The following RAD54B variants were observed in gnomAD, a reference collection of about 807,000 sequenced individuals.
RAD54B encodes the protein DNA repair and recombination protein RAD54B.
RAD54B carries 78 observed loss-of-function variants against 95.8 expected under a neutral mutation model. The observed-to-expected ratio is 0.81, with a 90% CI of 0.68 to 0.98. The LOEUF (loss-of-function observed/expected upper bound fraction) is 0.98. RAD54B is among the 50% of genes least tolerant of loss of function. RAD54B has a pLI of 0.00. For missense variants in RAD54B, 957 were observed against 1,056.6 expected (o/e 0.91, Z 1.31); for synonymous variants, 328 against 354.9 (o/e 0.92, Z 0.85).
In RAD54B at chr8:94,387,132, T is replaced by C. The variant is rs757543354; in HGVS notation, c.1837A>G (p.Lys613Glu). 7.5e-6 allele frequency: 12 copies of C among 1,600,692 alleles called. No individual in the cohort carries two copies. The highest frequency in any genetic ancestry group is 8.5e-6 in the Non-Finnish European group (10 of 1,175,490). The change falls in exon 11 of 15, where the codon AAA becomes GAA. Residue 613 changes from lysine (K) to glutamate (E), a missense_variant. Transcript: ENST00000336148. ...KEKECSSTCDKNEEKSLYKGL... is the reference protein window; with the variant it reads ...KEKECSSTCDENEEKSLYKGL... ...TTGTATAGACTCTTTTCTTCATTTT[T>C]ATCACAAGTTGAGCTACATTCCTTT... is the stretch of plus-strand genomic sequence containing the variant.
chr8:94,378,633 G>C lies in RAD54B; in HGVS notation c.2249C>G (p.Ala750Gly). Reference sequence around the variant, plus strand: ...ACCATCTCTCCATACTCTAGACATTGCCTATAGAAAATAAGTGAGAATTCT... The same window carrying C: ...ACCATCTCTCCATACTCTAGACATTCCCTATAGAAAATAAGTGAGAATTCT... ...IDWNPATDIQAMSRVWRDGQK... is the reference protein window; with the variant it reads ...IDWNPATDIQGMSRVWRDGQK... Residue 750 changes from alanine to glycine, a missense_variant and splice_region_variant, in exon 13 of 15, where the codon GCA (alanine) becomes GGA (glycine). Coordinates refer to ENST00000336148, the MANE Select transcript of RAD54B (RefSeq NM_012415.3). The C allele has an allele frequency of 6.2e-7, 1 of 1,600,814 alleles. No individual in the cohort carries two copies. The highest frequency in any genetic ancestry group is 8.5e-7 in the Non-Finnish European group (1 of 1,171,876).
At chr8:94,392,274 GT>G (rs1404130103) in intron 9 of RAD54B, among the ~76,000 whole-genome samples, 1 of 151,858 alleles carries the variant, frequency 6.6e-6, no homozygotes, top group Non-Finnish European at 1.5e-5. Flanking sequence ...TGTTGTTGTT[GT>G]TTTTGAGACA....
At chr8:94,452,496 T>C (rs1181457894) in intron 3 of RAD54B, among the ~76,000 whole-genome samples, 1 of 151,382 alleles carries the variant, frequency 6.6e-6, no homozygotes, top group Admixed American at 6.6e-5. Context: ...ATACTATCCT[T>C]AATTTTTTCT....
intron 3 of RAD54B, 31 bp downstream of exon 3, chr8:94,458,237 C>T (rs750430255): frequency 2.6e-6 from 4 of 1,546,506 alleles, no homozygotes; most frequent in Middle Eastern, 1.8e-4. Flanking sequence ...ATTGGTCAAG[C>T]ATAAACCTTA....
At chr8:94,434,740 A>G (rs1012641599) in intron 3 of RAD54B, among the ~76,000 whole-genome samples, 3 of 151,630 alleles carry the variant, frequency 2.0e-5, no homozygotes, top group Admixed American at 6.6e-5. Flanking sequence ...GAAAATGTCA[A>G]TGTAGACACA....
chr8:94,375,077 AGT>A (rs1810535097), intron 14 of RAD54B, among the ~76,000 whole-genome samples: 1 of 152,222 alleles, frequency 6.6e-6, no homozygotes, highest in Admixed American at 6.5e-5. Context: ...TATTTCTGGG[AGT>A]GTGTAAATTG....
intron 2 of RAD54B, among the ~76,000 whole-genome samples, chr8:94,458,682 C>A (rs1184253811): frequency 6.6e-6 from 1 of 152,110 alleles, no homozygotes; most frequent in Non-Finnish European, 1.5e-5. Flanking sequence ...GCCTGGCCAA[C>A]ATGGTGAAAC....
intron 10 of RAD54B, among the ~76,000 whole-genome samples, chr8:94,388,860 C>A (rs1810951948): frequency 6.6e-6 from 1 of 152,130 alleles, no homozygotes; most frequent in African/African-American, 2.4e-5. Context: ...ATCAAAGGAC[C>A]ACAGGCCCAG....
chr8:94,421,196 C>G (rs1204519007), intron 3 of RAD54B, among the ~76,000 whole-genome samples: 3 of 152,160 alleles, frequency 2.0e-5, no homozygotes. Context: ...TATAAACCCA[C>G]AGGTTGTGTT....
intron 14 of RAD54B, among the ~76,000 whole-genome samples, chr8:94,374,807 T>C (rs1010674755): frequency 6.6e-6 from 1 of 152,212 alleles, no homozygotes; most frequent in Non-Finnish European, 1.5e-5. Context: ...CATATTTTAA[T>C]ATATTTATTT....
intron 3 of RAD54B, among the ~76,000 whole-genome samples, chr8:94,440,555 A>T (rs1206151748): frequency 1.3e-5 from 2 of 152,214 alleles, no homozygotes. Context: ...TTCTTTGCCA[A>T]TGCTCGTTGG....
At chr8:94,438,196 C>A (rs1044021820) in intron 3 of RAD54B, among the ~76,000 whole-genome samples, 1 of 152,174 alleles carries the variant, frequency 6.6e-6, no homozygotes, top group African/African-American at 2.4e-5. Context: ...GTTTTTCATT[C>A]TTTTAACAAT....
At position 94,383,945 on chromosome 8, in the gene RAD54B, C is replaced by T. The variant is rs1810805288; in HGVS notation, c.1985+3039G>A. 4.6e-5 allele frequency among the ~76,000 whole-genome samples: 7 copies of T among 152,118 alleles called. No individual in the cohort carries two copies. In the South Asian group the frequency reaches 1.2e-3, roughly 27 times the overall value. ...TGGTGGAAATGAAAATGGTGCAGTC[C>T]TCTATGAAAAACAGTATGGCAGTAC... On this transcript the variant is annotated intron_variant, in intron 11 of 14. Transcript: ENST00000336148.
At chr8:94,466,408 CTTT>C (rs1194398092) in intron 2 of RAD54B, among the ~76,000 whole-genome samples, 9 of 142,912 alleles carry the variant, frequency 6.3e-5, no homozygotes, top group South Asian at 2.3e-4. Context: ...CCAGTATTCA[CTTT>C]TTTTTTTTTT....
chr8:94,378,231 CA>C lies in RAD54B; in HGVS notation c.2463del (p.Cys821TrpfsTer43), dbSNP rs752717854. On this transcript the variant is annotated frameshift_variant, in exon 14 of 15. Transcript: ENST00000336148. LOFTEE classifies it high-confidence loss of function. ...TCACAGTCAAGCAGATCATGAGTAA[CA>C]CAATCTGAACTTTCATGTAATGTGA... ...NLFTLHESSD[C>X]VTHDLLDCEC... 1 of 1,613,060 alleles carries C rather than the reference CA, an allele frequency of 6.2e-7. No homozygotes were observed. Among genetic ancestry groups the C allele is most frequent in the Non-Finnish European group, 8.5e-7 (1 of 1,179,630 alleles).
intron 3 of RAD54B, among the ~76,000 whole-genome samples, chr8:94,444,096 A>G (rs545045825): frequency 1.3e-5 from 2 of 152,304 alleles, no homozygotes; most frequent in East Asian, 3.9e-4. Context: ...AATACAGATA[A>G]CTTAATGAAT....
chr8:94,462,313 A>T (rs578135811), intron 2 of RAD54B, among the ~76,000 whole-genome samples: 2 of 152,258 alleles, frequency 1.3e-5, no homozygotes, highest in Non-Finnish European at 2.9e-5. Flanking sequence ...AATATATTCA[A>T]ATATCCTATT....
chr8:94,436,920 G>T (rs1812280537), intron 3 of RAD54B: 26 of 1,459,982 alleles, frequency 1.8e-5, no homozygotes, highest in Non-Finnish European at 2.3e-5. Context: ...GCAGCCTTCA[G>T]CTCTGCTCAG....
At chr8:94,392,764 A>ATTTTT (rs34856809) in intron 9 of RAD54B, among the ~76,000 whole-genome samples, 54 of 72,590 alleles carry the variant, frequency 7.4e-4, no homozygotes, top group African/African-American at 9.2e-4. Flanking sequence ...CACCTGGCTG[A>ATTTTT]TTTTTTTTTT....
Sources: gnomAD v4.1 joint callset for allele counts (sites outside exome capture counted in the v4.1 genomes callset) on GRCh38, gnomAD v4.1.1 for gene constraint, MANE v1.5 for transcripts, NCBI Gene and HGNC (gene_info 2026-07-23, HGNC 2026-07-21) for gene names.